Variants in PPP6R2 observed in about 807,000 individuals in gnomAD.
The protein encoded by PPP6R2 is serine/threonine-protein phosphatase 6 regulatory subunit 2.
In PPP6R2, 62 loss-of-function variants were observed where a neutral mutation model predicts 100.2. The observed-to-expected ratio is 0.62, with a 90% CI of 0.50 to 0.76. The LOEUF (loss-of-function observed/expected upper bound fraction) is 0.76. PPP6R2 is among the 30% of genes least tolerant of loss of function. The probability of loss-of-function intolerance (pLI) is 0.00; values close to 1 mark genes in which losing one functional copy is unlikely to be tolerated. For missense variants in PPP6R2, 1,142 were observed against 1,276.3 expected (o/e 0.89, Z 1.60); for synonymous variants, 525 against 514.7 (o/e 1.02, Z -0.27).
intron 3 of PPP6R2, among the ~76,000 whole-genome samples, chr22:50,396,466 G>GC (rs754383442): frequency 4.0e-5 from 6 of 148,416 alleles, no homozygotes; most frequent in Admixed American, 3.4e-4. Context: ...CTGCACTCCA[G>GC]CCTGGGCGAC....
chr22:50,408,498 G>T (rs1369862508), intron 4 of PPP6R2, among the ~76,000 whole-genome samples: 1 of 152,196 alleles, frequency 6.6e-6, no homozygotes, highest in Non-Finnish European at 1.5e-5. Context: ...TGTGAGTGAA[G>T]GTCGCCAGCA....
At chr22:50,366,417 C>A (rs1217484733) in intron 1 of PPP6R2, among the ~76,000 whole-genome samples, 1 of 151,688 alleles carries the variant, frequency 6.6e-6, no homozygotes, top group Non-Finnish European at 1.5e-5. Flanking sequence ...AGTTCTCCTT[C>A]CTCAGCCTCC....
chr22:50,432,946 G>A (rs2063451935), intron 12 of PPP6R2, among the ~76,000 whole-genome samples: 1 of 147,188 alleles, frequency 6.8e-6, no homozygotes, highest in African/African-American at 2.5e-5. Context: ...GCCTGAGCTT[G>A]GTAGCTGGCA....
upstream of PPP6R2, among the ~76,000 whole-genome samples, chr22:50,338,836 GTGTGTGT>G (rs2042334209): frequency 6.8e-6 from 1 of 146,178 alleles, no homozygotes; most frequent in Admixed American, 6.8e-5. Context: ...GGTGTGTGGT[GTGTGTGT>G]GGTGTGTGGT....
At chr22:50,386,795 C>T (rs2054341433) in intron 2 of PPP6R2, among the ~76,000 whole-genome samples, 1 of 152,138 alleles carries the variant, frequency 6.6e-6, no homozygotes. Context: ...AGTTTAGTCA[C>T]ATGATGATAG....
chr22:50,395,154 G>C (rs1480783759), intron 3 of PPP6R2, among the ~76,000 whole-genome samples: 2 of 152,142 alleles, frequency 1.3e-5, no homozygotes, highest in Non-Finnish European at 2.9e-5. Flanking sequence ...CTGACCTACA[G>C]TCCTGGGACA....
intron 2 of PPP6R2, among the ~76,000 whole-genome samples, chr22:50,388,575 A>G (rs1315919610): frequency 6.6e-6 from 1 of 152,090 alleles, no homozygotes; most frequent in African/African-American, 2.4e-5. Context: ...AAAAATACAC[A>G]TAAATTTTTT....
chr22:50,394,913 C>CAAAAAA (rs57028687), intron 3 of PPP6R2, among the ~76,000 whole-genome samples: 8 of 76,420 alleles, frequency 1.0e-4, no homozygotes, highest in South Asian at 5.5e-4. Context: ...GACTCTGTCT[C>CAAAAAA]AAAAAAAAAA....
At chr22:50,440,201 G>A (rs1279917724) in intron 21 of PPP6R2, 152 bp downstream of exon 21, 33 of 742,956 alleles carry the variant, frequency 4.4e-5, no homozygotes, top group Non-Finnish European at 6.9e-5. Flanking sequence ...ACAGCAATGG[G>A]ACTGGAGCAG....
At position 50,414,448 on chromosome 22, in the gene PPP6R2, T is replaced by C; in HGVS notation, c.415-104T>C. ...GTCTGGGTCTTTCCGTTATTTCTGC[T>C]TAATATAATTACTAGTTCAACTTTC... On this transcript the variant is annotated intron_variant, in intron 4 of 23. Coordinates refer to ENST00000612753, the MANE Select transcript of PPP6R2 (RefSeq NM_001242898.2). 3.1e-6 allele frequency: 4 copies of C among 1,307,594 alleles called. No individual in the cohort carries two copies. The South Asian group carries it at 5.4e-5, about 18-fold the overall frequency. The allele number at this position is 1,307,594 out of a possible 1,614,324, so 81.0% of individuals were successfully genotyped here.
chr22:50,358,674 C>T (rs1602249354), intron 1 of PPP6R2, among the ~76,000 whole-genome samples: 1 of 152,110 alleles, frequency 6.6e-6, no homozygotes, highest in South Asian at 2.1e-4. Context: ...TATCCTTTCC[C>T]TCCTTCTCTA....
the PPP6R2 span, among the ~76,000 whole-genome samples, chr22:50,333,071 G>A: frequency 6.6e-6 from 1 of 152,102 alleles, no homozygotes; most frequent in Non-Finnish European, 1.5e-5. Flanking sequence ...CCCAGGAGGT[G>A]GAGACTGTAG....
chr22:50,339,891 G>GT (rs2042352207), upstream of PPP6R2, among the ~76,000 whole-genome samples: 1 of 89,880 alleles, frequency 1.1e-5, no homozygotes, highest in Non-Finnish European at 2.2e-5. Flanking sequence ...GTGTGTGTGG[G>GT]GTGTGTGGTG....
intron 4 of PPP6R2, among the ~76,000 whole-genome samples, chr22:50,412,225 T>G (rs898789116): frequency 1.1e-4 from 16 of 152,102 alleles, no homozygotes; most frequent in East Asian, 5.8e-4. Context: ...AGACTCTCAC[T>G]CTATCCCCCA....
At chr22:50,339,751 G>GGTGTGTGGTATATAGTAT (rs2042348612), upstream of PPP6R2, among the ~76,000 whole-genome samples, 2 of 81,154 alleles carry the variant, frequency 2.5e-5, no homozygotes, top group African/African-American at 2.2e-4. Context: ...TATAGTATGT[G>GGTGTGTGGTATATAGTAT]GTGGTGTGTG....
intron 2 of PPP6R2, among the ~76,000 whole-genome samples, chr22:50,374,161 G>C (rs559562513): frequency 6.6e-6 from 1 of 152,288 alleles, no homozygotes; most frequent in South Asian, 2.1e-4. Flanking sequence ...CGAGATTATA[G>C]GTGTGAGTTA....
chr22:50,361,461 ACT>A (rs1196993853), intron 1 of PPP6R2, among the ~76,000 whole-genome samples: 4 of 151,580 alleles, frequency 2.6e-5, no homozygotes, highest in Non-Finnish European at 5.9e-5. Flanking sequence ...AGCTACTGCC[ACT>A]CTCCTGTGGC....
At chr22:50,354,102 T>G (rs1242439053) in intron 1 of PPP6R2, among the ~76,000 whole-genome samples, 1 of 151,950 alleles carries the variant, frequency 6.6e-6, no homozygotes, top group African/African-American at 2.4e-5. Flanking sequence ...GTCCGGAGTT[T>G]GAGACCACCG....
intron 2 of PPP6R2, among the ~76,000 whole-genome samples, chr22:50,374,844 A>G (rs551871385): frequency 7.1e-5 from 10 of 141,072 alleles, no homozygotes; most frequent in African/African-American, 2.4e-4. Flanking sequence ...AACGTGGGAG[A>G]TGGATGTTGC....
Sources: allele counts gnomAD v4.1 joint callset (sites outside exome capture counted in the v4.1 genomes callset), GRCh38; gene constraint gnomAD v4.1.1; transcripts MANE v1.5; gene names NCBI Gene and HGNC (gene_info 2026-07-23, HGNC 2026-07-21).